Variants in UROC1 observed in about 807,000 individuals in gnomAD.
The protein encoded by UROC1 is urocanate hydratase.
A neutral mutation model predicts 89.5 loss-of-function variants in UROC1; 79 were observed. That is an observed-to-expected ratio of 0.88 (90% CI 0.74 to 1.06). UROC1 has a LOEUF of 1.06. UROC1 is among the 50% of genes least tolerant of loss of function. The pLI, the probability that UROC1 is intolerant of heterozygous loss-of-function variation, is 0.00. For missense variants in UROC1, 885 were observed against 907.8 expected (o/e 0.97, Z 0.32); for synonymous variants, 361 against 354.8 (o/e 1.02, Z -0.20).
intron 3 of UROC1, 75 bp from the exon 4 acceptor site, chr3:126,508,550 G>A: frequency 7.6e-7 from 1 of 1,309,236 alleles, no homozygotes; most frequent in East Asian, 2.4e-5. Flanking sequence ...GAGAGAAAGG[G>A]CCCCCATCCC....
intron 1 of UROC1, among the ~76,000 whole-genome samples, chr3:126,512,528 C>G (rs1473953504): frequency 1.3e-5 from 2 of 152,138 alleles, no homozygotes; most frequent in African/African-American, 4.8e-5. Flanking sequence ...AGTTCCAGAC[C>G]AGCCTGGGTA....
chr3:126,501,337 G>C (rs1164069184), intron 9 of UROC1, 57 bp from the exon 10 acceptor site: 1 of 1,602,246 alleles, frequency 6.2e-7, no homozygotes, highest in Non-Finnish European at 8.5e-7. Context: ...AGGTGCCCCA[G>C]ACACACCTGC....
intron 9 of UROC1, among the ~76,000 whole-genome samples, chr3:126,502,523 TTA>T (rs1231789201): frequency 6.6e-6 from 1 of 151,808 alleles, no homozygotes; most frequent in Non-Finnish European, 1.5e-5. Flanking sequence ...CATGTGTGTG[TTA>T]TGTCTGTATT....
intron 16 of UROC1, among the ~76,000 whole-genome samples, chr3:126,492,068 G>C (rs1475086552): frequency 7.7e-6 from 1 of 130,646 alleles, no homozygotes; most frequent in Non-Finnish European, 1.7e-5. Flanking sequence ...CCTATTTCAA[G>C]CACTGCTCCT....
intron 18 of UROC1, among the ~76,000 whole-genome samples, chr3:126,487,632 C>T (rs780667034): frequency 3.9e-5 from 6 of 152,214 alleles, no homozygotes; most frequent in Non-Finnish European, 7.3e-5. Context: ...TGCTGCTCCC[C>T]GCAGCCCAGA....
chr3:126,491,235 C>T (rs757448420), intron 16 of UROC1, among the ~76,000 whole-genome samples: 19 of 152,246 alleles, frequency 1.2e-4, no homozygotes, highest in Admixed American at 2.6e-4. Context: ...ATTTCCTGCA[C>T]GCCGCTCCTC....
At chr3:126,492,620 C>A in intron 15 of UROC1, 104 bp from the exon 16 acceptor site, 1 of 848,262 alleles carries the variant, frequency 1.2e-6, no homozygotes, top group South Asian at 1.4e-5. Flanking sequence ...GGACATGGCC[C>A]TTGGCAGCCT....
intron 14 of UROC1, among the ~76,000 whole-genome samples, chr3:126,497,352 C>T (rs115957934): frequency 0.031 from 4,797 of 152,306 alleles, 75 homozygotes; most frequent in Non-Finnish European, 0.036. Flanking sequence ...GAAACAACAA[C>T]GTCAGACCCA....
chr3:126,513,599 G>A (rs1049787626), intron 1 of UROC1, among the ~76,000 whole-genome samples: 11 of 152,202 alleles, frequency 7.2e-5, no homozygotes, highest in African/African-American at 2.7e-4. Flanking sequence ...CCACCTCGGA[G>A]GACTGCCTTG....
chr3:126,504,393 A>G (rs1449828126), intron 8 of UROC1, among the ~76,000 whole-genome samples: 2 of 152,208 alleles, frequency 1.3e-5, no homozygotes, highest in Admixed American at 6.5e-5. Context: ...CATCGATTTC[A>G]ACTAAGACTG....
intron 19 of UROC1, 109 bp downstream of exon 19, chr3:126,483,260 C>T (rs972170652): frequency 1.7e-5 from 17 of 1,007,404 alleles, no homozygotes; most frequent in Admixed American, 5.8e-5. Flanking sequence ...GAGAGGAATC[C>T]GGCCCCCATC....
chr3:126,511,395 T>C (rs1936193569), intron 1 of UROC1, among the ~76,000 whole-genome samples: 1 of 152,208 alleles, frequency 6.6e-6, no homozygotes, highest in Admixed American at 6.5e-5. Flanking sequence ...TTCAAGTCAA[T>C]ACTGCTGCAC....
rs1487553345 is a variant in UROC1, at chr3:126,504,036, C to T, written c.861G>A (p.Met287Ile). Reference protein sequence around the residue: ...LEKRHRQGWLMEVTDSLDRCI... With the variant: ...LEKRHRQGWLIEVTDSLDRCI... ...AGCGGTCCAAGCTGTCAGTCACTTC[C>T]ATCAGCCAGCCCTGCCTGTGGCGTT... Residue 287 changes from methionine (M) to isoleucine (I), a missense_variant, in exon 9 of 20, where the codon ATG (methionine) becomes ATA (isoleucine). Transcript: ENST00000290868. 1.9e-6 allele frequency: 3 copies of T among 1,614,038 alleles called. No homozygotes were observed. The highest frequency in any genetic ancestry group is 2.7e-5 in the African/African-American group (2 of 74,914).
At chr3:126,498,511 G>T (rs1263014566) in intron 13 of UROC1, among the ~76,000 whole-genome samples, 7 of 152,094 alleles carry the variant, frequency 4.6e-5, no homozygotes, top group Non-Finnish European at 7.4e-5. Context: ...TCAACCTGGG[G>T]CTGTAGCCTT....
chr3:126,507,777 C>A lies in UROC1; in HGVS notation c.567G>T (p.Thr189=). ...CCAAGGCAAAGAGCTTCTCATACTC[C>A]GTCCGGGAGGAGTAGTTGGGAATGA... ...GMVIPNYSSR[T]EYEKLFALGV... The change falls in exon 6 of 20, where the codon ACG becomes ACT. Residue 189 remains threonine, a synonymous_variant. Coordinates refer to ENST00000290868, the MANE Select transcript of UROC1 (RefSeq NM_144639.3). 5.0e-6 allele frequency: 8 copies of A among 1,614,106 alleles called. No individual in the cohort carries two copies. Among genetic ancestry groups the A allele is most frequent in the Non-Finnish European group, 6.8e-6 (8 of 1,180,034 alleles).
At chr3:126,483,889 A>T (rs553762960) in intron 18 of UROC1, among the ~76,000 whole-genome samples, 8 of 152,332 alleles carry the variant, frequency 5.3e-5, no homozygotes, top group African/African-American at 1.9e-4. Context: ...CTTTAAAAAA[A>T]ATATTTTTTT....
intron 16 of UROC1, among the ~76,000 whole-genome samples, chr3:126,490,323 G>A (rs1195236307): frequency 6.6e-6 from 1 of 152,218 alleles, no homozygotes; most frequent in African/African-American, 2.4e-5. Flanking sequence ...AGCCCTGGAA[G>A]TCAGGTAGGG....
In UROC1 at chr3:126,507,989, C is replaced by G; in HGVS notation, c.518G>C (p.Arg173Pro). The G allele has an allele frequency of 6.2e-7, 1 of 1,614,004 alleles. No individual in the cohort carries two copies. The highest frequency in any genetic ancestry group is 8.5e-7 in the Non-Finnish European group (1 of 1,180,028). The change falls in exon 5 of 20, where the codon CGG becomes CCG. Residue 173 changes from arginine to proline, a missense_variant. Arg to Pro is a moderately radical substitution (Grantham distance 103). Coordinates refer to ENST00000290868, the MANE Select transcript of UROC1 (RefSeq NM_144639.3). ...CACCATCCCATTGGTGATGACGAGC[C>G]GTGGGGCACTGCGGCTGCTGGGAAA... ...GLFPSSRSAPRLVITNGMVIP... is the reference protein window; with the variant it reads ...GLFPSSRSAPPLVITNGMVIP...
At chr3:126,494,948 A>G (rs1935744396) in intron 15 of UROC1, among the ~76,000 whole-genome samples, 1 of 151,976 alleles carries the variant, frequency 6.6e-6, no homozygotes, top group Admixed American at 6.6e-5. Flanking sequence ...GCCTGCTCCA[A>G]ACACTGCCAC....
Sources: allele counts gnomAD v4.1 joint callset (sites outside exome capture counted in the v4.1 genomes callset), GRCh38; gene constraint gnomAD v4.1.1; transcripts MANE v1.5; gene names NCBI Gene and HGNC (gene_info 2026-07-23, HGNC 2026-07-21).